NBPF12: variants seen among roughly 807,000 people sequenced by gnomAD.
The protein encoded by NBPF12 is NBPF family member NBPF12.
In NBPF12, 115 loss-of-function variants were observed where a neutral mutation model predicts 146.4. The observed-to-expected ratio is 0.79, with a 90% CI of 0.68 to 0.92. NBPF12 has a LOEUF of 0.92. Ranked by LOEUF, NBPF12 falls within the 40% of genes least tolerant of loss-of-function variation. The pLI, the probability that NBPF12 is intolerant of heterozygous loss-of-function variation, is 0.00. For synonymous variants in NBPF12, 385 were observed against 508.9 expected, an observed-to-expected ratio of 0.76 and a Z score of 3.28; for missense variants, 1,205 against 1,326.8, an observed-to-expected ratio of 0.91 and a Z score of 1.43.
intron 10 of NBPF12, among the ~76,000 whole-genome samples, chr1:146,969,113 C>A (rs1553886043): frequency 6.6e-6 from 1 of 150,710 alleles, no homozygotes; most frequent in Non-Finnish European, 1.5e-5. Flanking sequence ...CTTTTTGAAA[C>A]GGAATTAGGA....
intron 1 of NBPF12, among the ~76,000 whole-genome samples, chr1:146,941,119 T>A (rs1320779830): frequency 2.6e-5 from 4 of 151,876 alleles, no homozygotes; most frequent in African/African-American, 9.7e-5. Flanking sequence ...GATCTCACTC[T>A]GTTGCCCAGG....
chr1:146,977,874 G>A (rs1657147854), intron 18 of NBPF12, among the ~76,000 whole-genome samples: 1 of 152,002 alleles, frequency 6.6e-6, no homozygotes, highest in Non-Finnish European at 1.5e-5. Flanking sequence ...TCGACCCCAG[G>A]CAAGTGTGAC....
At chr1:146,968,588 G>A (rs1376284884) in intron 10 of NBPF12, 38 bp downstream of exon 13, 9 of 1,544,372 alleles carry the variant, frequency 5.8e-6, no homozygotes, top group Admixed American at 5.0e-5. Context: ...GGGGGCAGGT[G>A]TGTAAATCTC....
chr1:146,978,041 C>A (rs1307838676), intron 18 of NBPF12, among the ~76,000 whole-genome samples: 19 of 151,778 alleles, frequency 1.3e-4, no homozygotes, highest in Non-Finnish European at 2.8e-4. Flanking sequence ...GGCAGCCTTG[C>A]CTTTGTATTT....
At chr1:146,996,021 C>T (rs1470815673) in exon 34 of NBPF12, 10 of 147,624 alleles carry the variant, frequency 6.8e-5, no homozygotes, top group African/African-American at 2.6e-4. Context: ...AAGAAGAAAA[C>T]ATTCTCTGCC....
intron 2 of NBPF12, among the ~76,000 whole-genome samples, chr1:146,953,937 A>G (rs1240082170): frequency 1.3e-5 from 2 of 151,442 alleles, no homozygotes; most frequent in Non-Finnish European, 2.9e-5. Flanking sequence ...ATCTACAAAA[A>G]TCTACCAGAA....
At chr1:146,980,425 T>A (rs1200378764) in intron 19 of NBPF12, among the ~76,000 whole-genome samples, 1 of 152,042 alleles carries the variant, frequency 6.6e-6, no homozygotes, top group African/African-American at 2.4e-5. Flanking sequence ...GTCTTTAGAG[T>A]TTGGCATGTT....
intron 4 of NBPF12, among the ~76,000 whole-genome samples, chr1:146,961,409 C>G (rs1377928890): frequency 6.6e-6 from 1 of 151,806 alleles, no homozygotes; most frequent in African/African-American, 2.4e-5. Context: ...TAATACCTAC[C>G]TCTGTAAATT....
At chr1:146,969,981 C>T (rs1656481706) in intron 11 of NBPF12, among the ~76,000 whole-genome samples, 1 of 150,368 alleles carries the variant, frequency 6.7e-6, no homozygotes, top group South Asian at 2.1e-4. Flanking sequence ...AGTGATTTAT[C>T]TTTCCAGAGT....
chr1:146,973,820 A>C (rs1656815420), intron 14 of NBPF12, among the ~76,000 whole-genome samples: 1 of 147,032 alleles, frequency 6.8e-6, no homozygotes, highest in Non-Finnish European at 1.5e-5. Context: ...AATAAGAATA[A>C]AAAGCAGAGA....
intron 7 of NBPF12, 54 bp from the exon 11 acceptor site, chr1:146,964,839 T>C (rs1216328459): frequency 1.3e-6 from 2 of 1,590,072 alleles, no homozygotes; most frequent in Non-Finnish European, 8.6e-7. Context: ...CTCCCTGGGG[T>C]CCAATCCCTC....
Position 146,992,504 on chromosome 1 carries a change from GTGTGTGTGTCTA to G in NBPF12, c.3849-206_3849-195del, listed in dbSNP as rs1658259427. On this transcript the variant is annotated intron_variant, in intron 31 of 33. Coordinates refer to ENST00000617844, the Ensembl canonical transcript of NBPF12. ...TGTGTGTGTGTGTGTGTGTGTGTGT[GTGTGTGTGTCTA>G]TCTGTCTTTCTCTTTCATTCTTTTC... 2.4e-5 allele frequency among the ~76,000 whole-genome samples: 3 copies of G among 123,702 alleles called. No homozygotes were observed. In the Admixed American group the frequency reaches 2.6e-4, roughly 11 times the overall value. 81.2% of individuals were successfully genotyped at this position (123,702 alleles called of 152,430 possible).
At chr1:146,968,416 C>T in intron 9 of NBPF12, 32 bp from the exon 13 acceptor site, 2 of 1,528,086 alleles carry the variant, frequency 1.3e-6, no homozygotes, top group Non-Finnish European at 1.8e-6. Flanking sequence ...GTCCAGCCTT[C>T]CACTGATGCA....
At chr1:146,969,690 G>T (rs1426812936) in intron 11 of NBPF12, 94 bp downstream of exon 14, 60 of 1,550,654 alleles carry the variant, frequency 3.9e-5, no homozygotes, top group African/African-American at 1.2e-4. Flanking sequence ...TATCAGTGGG[G>T]TTTTTTTCTA....
exon 5 of NBPF12, chr1:146,962,237 G>C (rs1236756367): frequency 1.2e-6 from 2 of 1,606,616 alleles, no homozygotes; most frequent in Admixed American, 1.7e-5. Flanking sequence ...AGCTTGCAGA[G>C]CAGCTGAAAC....
intron 8 of NBPF12, 147 bp from the exon 12 acceptor site, chr1:146,966,317 A>C (rs1454913944): frequency 2.5e-6 from 2 of 789,288 alleles, no homozygotes; most frequent in African/African-American, 1.7e-5. Flanking sequence ...AAAGGAGATC[A>C]AGACTGGAGA....
chr1:146,968,949 C>T (rs1178243532), intron 10 of NBPF12, among the ~76,000 whole-genome samples: 24 of 151,418 alleles, frequency 1.6e-4, no homozygotes, highest in African/African-American at 5.4e-4. Context: ...CCTTCTCGAC[C>T]CTGTCATTCT....
In NBPF12 at chr1:146,939,182, C is replaced by G. The variant is rs1303346837; in HGVS notation, c.-822+200C>G. On this transcript the variant is annotated intron_variant, in intron 1 of 35. Coordinates refer to the NBPF12 transcript ENST00000617931. The stretch of plus-strand genomic sequence containing the variant: ...ATTCCTCGCCTGCCGCTGCAGCCCA[C>G]AGCCCTCCTCTCGTGGGCGCTGGGG... 1.7e-3 allele frequency among the ~76,000 whole-genome samples: 253 copies of G among 152,156 alleles called. 1 individual carries two copies. Among genetic ancestry groups the G allele is most frequent in the African/African-American group, 5.8e-3 (242 of 41,450 alleles).
chr1:146,981,725 C>T (rs1445036313), intron 19 of NBPF12, among the ~76,000 whole-genome samples: 7 of 152,008 alleles, frequency 4.6e-5, no homozygotes, highest in Admixed American at 2.0e-4. Flanking sequence ...CACATAGTCC[C>T]ATATTTATTG....
Sources: allele counts gnomAD v4.1 joint callset (sites outside exome capture counted in the v4.1 genomes callset), GRCh38; gene constraint gnomAD v4.1.1; transcripts MANE v1.5; gene names NCBI Gene and HGNC (gene_info 2026-07-23, HGNC 2026-07-21).